The following CCDC60 variants were observed in gnomAD, a reference collection of about 807,000 sequenced individuals.
CCDC60 encodes coiled-coil domain-containing protein 60.
A neutral mutation model predicts 63.5 loss-of-function variants in CCDC60; 54 were observed. The observed-to-expected ratio is 0.85, with a 90% CI of 0.68 to 1.07. The LOEUF is 1.07. Among genes scored for constraint, CCDC60 ranks in the 50% least tolerant of loss-of-function variants. CCDC60 has a pLI of 0.00. For missense variants in CCDC60, 651 were observed against 684.3 expected, an observed-to-expected ratio of 0.95 and a Z score of 0.54; for synonymous variants, 206 against 238.8, an observed-to-expected ratio of 0.86 and a Z score of 1.27.
chr12:119,395,922 C>T (rs1291107557), intron 1 of CCDC60, among the ~76,000 whole-genome samples: 1 of 151,774 alleles, frequency 6.6e-6, no homozygotes, highest in Non-Finnish European at 1.5e-5. Context: ...ATGGCATTCT[C>T]CTCCATCATG....
rs753618585 is a variant in CCDC60 at position 119,456,001 on chromosome 12, GAGAAAGAA to G, written c.171-15938_171-15931del. Among the ~76,000 whole-genome samples, 965 of 51,040 alleles carry G rather than the reference GAGAAAGAA, an allele frequency of 0.019. 20 individuals carry two copies. Among genetic ancestry groups the G allele is most frequent in the Non-Finnish European group, 0.021 (621 of 29,320 alleles). The allele number at this position is 51,040 out of a possible 152,430, so 33.5% of individuals were successfully genotyped here. A position where few individuals can be genotyped will look rare whatever the true frequency, so the allele number is the denominator to read the frequency against. Reference sequence around the variant, plus strand: ...AGGGAGAGAGAAAGAGAGAGAGAAAGAGAAAGAAAGAAAGAAAGAAAGAAAGAAAGAAA... The same window carrying G: ...AGGGAGAGAGAAAGAGAGAGAGAAAGAGAAAGAAAGAAAGAAAGAAAGAAA... On this transcript the variant is annotated intron_variant, in intron 2 of 13. Transcript: ENST00000327554. This position sits in a 1 kb window ranked among gnomAD's most constrained non-coding sequence, Gnocchi z 4.6.
At chr12:119,480,571 ATCATCACCATCATCC>A (rs1458907846) in intron 4 of CCDC60, among the ~76,000 whole-genome samples, 2 of 152,214 alleles carry the variant, frequency 1.3e-5, no homozygotes, top group Middle Eastern at 3.4e-3. Context: ...CACCATCATC[ATCATCACCATCATCC>A]TCATCACCAT....
At chr12:119,477,722 G>A (rs1385912525) in intron 3 of CCDC60, among the ~76,000 whole-genome samples, 1 of 152,216 alleles carries the variant, frequency 6.6e-6, no homozygotes, top group Non-Finnish European at 1.5e-5. Context: ...AGGGATGCTT[G>A]TGTTTGGGGT....
intron 7 of CCDC60, among the ~76,000 whole-genome samples, chr12:119,515,406 G>C (rs1426364461): frequency 1.3e-5 from 2 of 150,002 alleles, no homozygotes; most frequent in African/African-American, 4.9e-5. Context: ...CTGCAGCCTT[G>C]ACTTCCCAGG....
intron 2 of CCDC60, among the ~76,000 whole-genome samples, chr12:119,437,896 T>C (rs1255310201): frequency 1.3e-5 from 2 of 151,704 alleles, no homozygotes; most frequent in East Asian, 3.9e-4. Context: ...CTTAGTCCTC[T>C]TGAGTCACAT....
chr12:119,476,086 G>A (rs1213328456), intron 3 of CCDC60, among the ~76,000 whole-genome samples: 6 of 151,860 alleles, frequency 4.0e-5, no homozygotes, highest in African/African-American at 1.2e-4. Flanking sequence ...CTCCTCTCTG[G>A]ATCTAAGACC....
In CCDC60 at chr12:119,439,990, C is replaced by T. The variant is rs534612264; in HGVS notation, c.170+11228C>T. Among the ~76,000 whole-genome samples the T allele has an allele frequency of 1.3e-5, 2 of 151,772 alleles. 1 individual carries two copies. The highest frequency in any genetic ancestry group is 1.3e-4 in the Admixed American group (2 of 15,238). ...GAAAGCCAAACACCGCATGTTCTCA[C>T]TCGTAAGAGGGAGTTGAACAATGAG... is the stretch of plus-strand genomic sequence containing the variant. On this transcript the variant is annotated intron_variant, in intron 2 of 13. Coordinates refer to ENST00000327554, the MANE Select transcript of CCDC60 (RefSeq NM_178499.5).
chr12:119,464,887 G>C (rs1286865257), intron 2 of CCDC60, among the ~76,000 whole-genome samples: 2 of 152,202 alleles, frequency 1.3e-5, no homozygotes, highest in Non-Finnish European at 2.9e-5. Flanking sequence ...TGAAATGTGT[G>C]TGTTATGGAT....
intron 1 of CCDC60, among the ~76,000 whole-genome samples, chr12:119,417,496 C>T (rs190897363): frequency 6.6e-6 from 1 of 152,226 alleles, no homozygotes; most frequent in African/African-American, 2.4e-5. Flanking sequence ...GACAGGCAGG[C>T]ATACAATCCT....
chr12:119,337,254 G>T (rs1455415879), intron 1 of CCDC60, among the ~76,000 whole-genome samples: 1 of 152,182 alleles, frequency 6.6e-6, no homozygotes, highest in Non-Finnish European at 1.5e-5. Context: ...CCCGCTCTGG[G>T]ACTGAACTTC....
intron 6 of CCDC60, among the ~76,000 whole-genome samples, chr12:119,501,353 T>G (rs1293846279): frequency 6.6e-6 from 1 of 152,214 alleles, no homozygotes; most frequent in Non-Finnish European, 1.5e-5. Context: ...GGCACTATTC[T>G]TACCCCCAGG....
chr12:119,420,060 T>G lies in CCDC60; in HGVS notation c.91-8623T>G, dbSNP rs1956784240. 6.6e-6 allele frequency among the ~76,000 whole-genome samples: 1 copy of G among 151,900 alleles called. No individual in the cohort carries two copies. The highest frequency in any genetic ancestry group is 1.9e-4 in the East Asian group (1 of 5,168). ...CCTGGGTAATTTTTTGTATTTTTAG[T>G]AGAGATAGGGTTTCACCGTGTTAGC... On this transcript the variant is annotated intron_variant, in intron 1 of 13. Coordinates refer to ENST00000327554, the MANE Select transcript of CCDC60 (RefSeq NM_178499.5). This position sits in a 1 kb window ranked among gnomAD's most constrained non-coding sequence, Gnocchi z 4.1.
In CCDC60 at chr12:119,450,592, C is replaced by T. The variant is rs544529838; in HGVS notation, c.171-21402C>T. 5.4e-4 allele frequency among the ~76,000 whole-genome samples: 82 copies of T among 152,286 alleles called. 3 individuals carry two copies. In the South Asian group the frequency reaches 0.017, roughly 31 times the overall value. Reference sequence around the variant, plus strand: ...AGACATGAGAGGCCGGGCGCAGTGGCTCACGCCTGTAATCCCAGCACTTTG... The same window carrying T: ...AGACATGAGAGGCCGGGCGCAGTGGTTCACGCCTGTAATCCCAGCACTTTG... On this transcript the variant is annotated intron_variant, in intron 2 of 13. Coordinates refer to ENST00000327554, the MANE Select transcript of CCDC60 (RefSeq NM_178499.5).
chr12:119,511,016 G>A (rs1462059168), intron 7 of CCDC60, among the ~76,000 whole-genome samples: 5 of 152,148 alleles, frequency 3.3e-5, no homozygotes, highest in Non-Finnish European at 7.3e-5. Context: ...AAAGGAATGT[G>A]AGCTCCCCAC....
intron 1 of CCDC60, among the ~76,000 whole-genome samples, chr12:119,422,663 A>G (rs1956834630): frequency 6.6e-6 from 1 of 152,204 alleles, no homozygotes; most frequent in Admixed American, 6.5e-5. Context: ...CCATGATCCA[A>G]TCACCTCCCA....
intron 13 of CCDC60, among the ~76,000 whole-genome samples, chr12:119,539,555 G>A (rs894716952): frequency 3.3e-5 from 5 of 152,138 alleles, no homozygotes; most frequent in African/African-American, 9.7e-5. Flanking sequence ...AACAACCCAC[G>A]TCGACTTCAG....
intron 2 of CCDC60, among the ~76,000 whole-genome samples, chr12:119,446,375 G>A (rs546201448): frequency 6.6e-6 from 1 of 152,232 alleles, no homozygotes; most frequent in South Asian, 2.1e-4. Context: ...ATATGTTCAG[G>A]GCAAGACTGC....
At chr12:119,387,197 G>A (rs936022423) in intron 1 of CCDC60, among the ~76,000 whole-genome samples, 1 of 152,056 alleles carries the variant, frequency 6.6e-6, no homozygotes, top group African/African-American at 2.4e-5. Context: ...TAAAAACACT[G>A]AACTCTGCCC....
chr12:119,517,162 T>A lies in CCDC60; in HGVS notation c.968+455T>A, dbSNP rs190606836. On this transcript the variant is annotated intron_variant, in intron 8 of 13. Transcript: ENST00000327554. ...ACCACCACATCTGGCTAATTTTTTT[T>A]TTATTATTATTTTGTAGAGACAGGG... Among the ~76,000 whole-genome samples the A allele has an allele frequency of 2.4e-3, 371 of 151,940 alleles. 2 individuals are homozygous for A. The highest frequency in any genetic ancestry group is 8.2e-3 in the African/African-American group (342 of 41,456).
Sources: gnomAD v4.1 joint callset for allele counts (sites outside exome capture counted in the v4.1 genomes callset) on GRCh38, gnomAD v4.1.1 for gene constraint, Gnocchi (gnomAD v3.1) non-coding constraint, MANE v1.5 for transcripts, NCBI Gene and HGNC (gene_info 2026-07-23, HGNC 2026-07-21) for gene names.